The following BOD1L1 variants were observed in gnomAD, a reference collection of about 807,000 sequenced individuals.
BOD1L1 encodes the protein biorientation of chromosomes in cell division 1 like 1, also known as biorientation of chromosomes in cell division protein 1-like 1.
Under a neutral mutation model 240.7 loss-of-function variants are expected in BOD1L1, and 86 were observed. That is an observed-to-expected ratio of 0.36 (90% CI 0.30 to 0.43). The LOEUF (loss-of-function observed/expected upper bound fraction) is 0.43, where lower values mean the gene tolerates loss of function less well. Ranked by LOEUF, BOD1L1 falls within the 20% of genes least tolerant of loss-of-function variation. The pLI, the probability that BOD1L1 is intolerant of heterozygous loss-of-function variation, is 1.00. For missense variants in BOD1L1, 3,554 were observed against 3,643.5 expected, an observed-to-expected ratio of 0.98 and a Z score of 0.63; for synonymous variants, 1,268 against 1,272.3, an observed-to-expected ratio of 1.00 and a Z score of 0.07.
intron 25 of BOD1L1, among the ~76,000 whole-genome samples, chr4:13,572,378 G>A (rs901023288): frequency 1.3e-5 from 2 of 152,174 alleles, no homozygotes; most frequent in Non-Finnish European, 2.9e-5. Context: ...CCTCTCCAAT[G>A]CTCTAGCTAA....
Position 13,600,213 on chromosome 4 carries a change from A to C in BOD1L1, c.6687T>G (p.Ala2229=), listed in dbSNP as rs750607835. 2 of 1,614,022 alleles carry C rather than the reference A, an allele frequency of 1.2e-6. No homozygotes were observed. The highest frequency in any genetic ancestry group is 2.2e-5 in the South Asian group (2 of 91,088). ...ISTSIAEECE[A]SVSGVVVESE... ...TTTCAACAACTACACCGGAAACAGA[A>C]GCCTCACATTCTTCTGCTATGCTAG... The change falls in exon 10 of 26, where the codon GCT becomes GCG. Residue 2229 remains alanine, a synonymous_variant. Transcript: ENST00000040738.
Position 13,620,074 on chromosome 4 carries a change from A to G in BOD1L1, c.244-7T>C. The G allele has an allele frequency of 1.9e-6, 3 of 1,594,954 alleles. No individual in the cohort carries two copies. Among genetic ancestry groups the G allele is most frequent in the Non-Finnish European group, 2.6e-6 (3 of 1,169,658 alleles). The stretch of plus-strand genomic sequence containing the variant: ...TCAGATTCTGATACGCAGGCTAGAG[A>G]GAAAAAAACGAAGGTAAGTCTTCAA... On this transcript the variant is annotated splice_region_variant and splice_polypyrimidine_tract_variant and intron_variant, in intron 1 of 25. Transcript: ENST00000040738.
chr4:13,577,843 TTTTA>T (rs1712894104), intron 22 of BOD1L1: 1 of 402,036 alleles, frequency 2.5e-6, no homozygotes, highest in Non-Finnish European at 4.4e-6. Flanking sequence ...TCATTTCAGA[TTTTA>T]TTTAAATTTG....
At chr4:13,615,734 T>C (rs1160997399) in intron 2 of BOD1L1, among the ~76,000 whole-genome samples, 4 of 152,038 alleles carry the variant, frequency 2.6e-5, no homozygotes, top group South Asian at 4.1e-4. Flanking sequence ...GTGTCACTAG[T>C]GGAAATACTG....
chr4:13,593,802 T>C (rs1026765910), intron 12 of BOD1L1, among the ~76,000 whole-genome samples: 26 of 152,154 alleles, frequency 1.7e-4, no homozygotes, highest in Admixed American at 1.5e-3. Context: ...CCAACTACAG[T>C]AGACATTACA....
At chr4:13,576,734 C>T in intron 25 of BOD1L1, 104 bp downstream of exon 25, 4 of 1,365,922 alleles carry the variant, frequency 2.9e-6, no homozygotes, top group Non-Finnish European at 4.0e-6. Context: ...ACTTCCACTG[C>T]AGCATGAATG....
chr4:13,580,317 G>A (rs1713123119), intron 21 of BOD1L1, among the ~76,000 whole-genome samples: 1 of 152,182 alleles, frequency 6.6e-6, no homozygotes, highest in Non-Finnish European at 1.5e-5. Flanking sequence ...ATAATTCTAT[G>A]AGATAAGTAC....
At chr4:13,591,842 G>A in intron 13 of BOD1L1, 81 bp downstream of exon 13, 4 of 1,074,034 alleles carry the variant, frequency 3.7e-6, no homozygotes, top group Non-Finnish European at 5.3e-6. Flanking sequence ...CCTTCAGATG[G>A]CTCCTCCTCA....
In BOD1L1 at chr4:13,611,035, T is replaced by C; in HGVS notation, c.1390A>G (p.Lys464Glu). The C allele has an allele frequency of 6.2e-7, 1 of 1,612,124 alleles. No homozygotes were observed. The highest frequency in any genetic ancestry group is 8.5e-7 in the Non-Finnish European group (1 of 1,178,608). Residue 464 changes from lysine to glutamate, a missense_variant, in exon 6 of 26, where the codon AAA becomes GAA. Around this residue, in one of 2 missense-constraint regions of BOD1L1, gnomAD observed 3,393 missense variants for 3,427.1 expected, o/e 0.99. Transcript: ENST00000040738. ...QTSDSSEGKTKSVRHAYVHKP... is the reference protein window; with the variant it reads ...QTSDSSEGKTESVRHAYVHKP... ...TGGACATACGCATGCCGTACACTTTTTGTTTTTCCTTCACTAGAATCACTA... is the reference window on the plus strand; with the variant it reads ...TGGACATACGCATGCCGTACACTTTCTGTTTTTCCTTCACTAGAATCACTA...
At chr4:13,594,645 T>C (rs1163554636) in intron 12 of BOD1L1, among the ~76,000 whole-genome samples, 2 of 152,102 alleles carry the variant, frequency 1.3e-5, no homozygotes, top group African/African-American at 4.8e-5. Context: ...GCATGTAACC[T>C]CAGCACTTTG....
chr4:13,602,803 ATG>A lies in BOD1L1; in HGVS notation c.4095_4096del (p.Ile1366SerfsTer12), dbSNP rs756108294. ...TAAAGTAGCCTGGTGAGCTTCTGGA[ATG>A]TGTCTTTTGCTAGTGATGCTTGCTT... On this transcript the variant is annotated frameshift_variant, in exon 10 of 26. Transcript: ENST00000040738. LOFTEE classifies it high-confidence loss of function. 6.2e-7 allele frequency: 1 copy of A among 1,613,838 alleles called. No individual in the cohort carries two copies. The highest frequency in any genetic ancestry group is 1.3e-5 in the African/African-American group (1 of 74,918).
chr4:13,574,260 G>A (rs1231163870), intron 25 of BOD1L1, among the ~76,000 whole-genome samples: 1 of 152,174 alleles, frequency 6.6e-6, no homozygotes, highest in African/African-American at 2.4e-5. Context: ...TGCAGGTGCA[G>A]TGACTCAGGC....
chr4:13,591,835 T>C, intron 13 of BOD1L1, 88 bp downstream of exon 13: 1 of 1,017,106 alleles, frequency 9.8e-7, no homozygotes, highest in Non-Finnish European at 1.4e-6. Flanking sequence ...GGCAACCCCT[T>C]CAGATGGCTC....
Position 13,614,408 on chromosome 4 carries a change from T to G in BOD1L1, c.962A>C (p.Lys321Thr), listed in dbSNP as rs771400614. ...ATTGCTGTCTGGCTTCTTTTCACCT[T>G]TGTCTGTTGATTTATTTTTTTGCTC... ...SSEQKNKSTDKGEKKPDSNEK... is the reference protein window; with the variant it reads ...SSEQKNKSTDTGEKKPDSNEK... The change falls in exon 4 of 26, where the codon AAA (lysine) becomes ACA (threonine). Residue 321 changes from lysine to threonine, a missense_variant. Physicochemically the swap from Lys to Thr is moderately conservative, Grantham distance 78. Coordinates refer to ENST00000040738, the MANE Select transcript of BOD1L1 (RefSeq NM_148894.3). 1.0e-5 allele frequency: 16 copies of G among 1,583,380 alleles called. No individual in the cohort carries two copies. Among genetic ancestry groups the G allele is most frequent in the Non-Finnish European group, 8.6e-7 (1 of 1,162,492 alleles).
At chr4:13,627,310 C>G in intron 1 of BOD1L1, 35 bp downstream of exon 1, 2 of 1,205,814 alleles carry the variant, frequency 1.7e-6, no homozygotes, top group Non-Finnish European at 2.1e-6. Context: ...TCCTCCCCTT[C>G]CCTCGCAGAC....
chr4:13,607,036 C>A, intron 9 of BOD1L1, 81 bp downstream of exon 9: 1 of 938,272 alleles, frequency 1.1e-6, no homozygotes, highest in African/African-American at 1.8e-5. Flanking sequence ...AGTCAAATTA[C>A]ATTCTAAGTT....
In BOD1L1 at chr4:13,602,348, C is replaced by G; in HGVS notation, c.4552G>C (p.Ala1518Pro). 6.2e-7 allele frequency: 1 copy of G among 1,613,942 alleles called. No homozygotes were observed. The highest frequency in any genetic ancestry group is 8.5e-7 in the Non-Finnish European group (1 of 1,179,864). The change falls in exon 10 of 26, where the codon GCC becomes CCC. Residue 1518 changes from alanine to proline, a missense_variant. Around this residue, in one of 2 missense-constraint regions of BOD1L1, gnomAD observed 3,393 missense variants for 3,427.1 expected, o/e 0.99. Coordinates refer to ENST00000040738, the MANE Select transcript of BOD1L1 (RefSeq NM_148894.3). ...GPRRAEKTSV[A>P]TSTEGKDKDV... ...TTGTCCTTCCCTTCAGTACTAGTGGCAACAGAAGTCTTTTCTGCTCTCCTA... is the reference window on the plus strand; with the variant it reads ...TTGTCCTTCCCTTCAGTACTAGTGGGAACAGAAGTCTTTTCTGCTCTCCTA...
At chr4:13,622,357 T>C (rs1717100726) in intron 1 of BOD1L1, among the ~76,000 whole-genome samples, 1 of 152,148 alleles carries the variant, frequency 6.6e-6, no homozygotes, top group African/African-American at 2.4e-5. Context: ...AAGCTCTCCT[T>C]TCAGTAAAAA....
At position 13,604,610 on chromosome 4, in the gene BOD1L1, T is replaced by C. The variant is rs1426200111; in HGVS notation, c.2290A>G (p.Lys764Glu). 1 of 1,576,178 alleles carries C rather than the reference T, an allele frequency of 6.3e-7. No individual in the cohort carries two copies. Residue 764 changes from lysine to glutamate, a missense_variant, in exon 10 of 26, where the codon AAA (lysine) becomes GAA (glutamate). By Grantham distance (56) the Lys-to-Glu change is moderately conservative (BLOSUM62 1). Around this residue, in one of 2 missense-constraint regions of BOD1L1, gnomAD observed 3,393 missense variants for 3,427.1 expected, o/e 0.99. Coordinates refer to ENST00000040738, the MANE Select transcript of BOD1L1 (RefSeq NM_148894.3). Reference protein sequence around the residue: ...GDETELHSSEKGLKVEENIQK... With the variant: ...GDETELHSSEEGLKVEENIQK... The stretch of plus-strand genomic sequence containing the variant: ...ATATTTTCCTCTACTTTTAAACCTT[T>C]CTCAGAAGAGTGAAGCTCAGTCTCA...
Sources: gnomAD v4.1 joint callset for allele counts (sites outside exome capture counted in the v4.1 genomes callset) on GRCh38, gnomAD v4.1.1 for gene constraint, gnomAD v4.1.1 regional missense constraint, MANE v1.5 for transcripts, NCBI Gene and HGNC (gene_info 2026-07-23, HGNC 2026-07-21) for gene names.